The following UNC79 variants were observed in gnomAD, a reference collection of about 807,000 sequenced individuals.
The protein encoded by UNC79 is protein unc-79 homolog.
A neutral mutation model predicts 283.1 loss-of-function variants in UNC79; 37 were observed. The observed-to-expected ratio is 0.13, with a 90% CI of 0.10 to 0.17. The LOEUF is 0.17. Among genes scored for constraint, UNC79 ranks in the 10% least tolerant of loss-of-function variants. The pLI, the probability that UNC79 is intolerant of heterozygous loss-of-function variation, is 1.00. For missense variants in UNC79, 2,272 were observed against 3,211.1 expected (o/e 0.71, Z 7.07); for synonymous variants, 1,107 against 1,200.2 (o/e 0.92, Z 1.61).
intron 7 of UNC79, among the ~76,000 whole-genome samples, chr14:93,504,146 A>G (rs1263865158): frequency 6.6e-6 from 1 of 151,936 alleles, no homozygotes; most frequent in East Asian, 1.9e-4. Flanking sequence ...ATACTCTTTT[A>G]ATTACTGTAG....
At chr14:93,687,769 C>A (rs896303096) in intron 43 of UNC79, among the ~76,000 whole-genome samples, 1 of 152,138 alleles carries the variant, frequency 6.6e-6, no homozygotes, top group Admixed American at 6.5e-5. Context: ...AATACCCATA[C>A]TTAAATGACT....
At chr14:93,665,162 T>C (rs2072041391) in intron 40 of UNC79, among the ~76,000 whole-genome samples, 1 of 149,538 alleles carries the variant, frequency 6.7e-6, no homozygotes, top group Non-Finnish European at 1.5e-5. Flanking sequence ...TCTAAATGAC[T>C]ATACTTTAAA....
At chr14:93,691,652 G>A in intron 45 of UNC79, 97 bp from the exon 49 acceptor site, 1 of 1,297,530 alleles carries the variant, frequency 7.7e-7, no homozygotes, top group South Asian at 1.2e-5. Flanking sequence ...TGCTTCCCCT[G>A]TGCTCCCTGG....
chr14:93,562,949 G>A (rs1293352439), intron 14 of UNC79, among the ~76,000 whole-genome samples: 3 of 152,206 alleles, frequency 2.0e-5, no homozygotes, highest in African/African-American at 7.2e-5. Context: ...CTGAGGGGTA[G>A]TAGAATAGCA....
In UNC79 at chr14:93,558,258, T is replaced by C. The variant is rs1400157698; in HGVS notation, c.1756-13636T>C. ...CTAGTTTCCCACATCTTTTTTCTCA[T>C]TAATCAAAACCTTGCAGGCTGGGCG... is the stretch of plus-strand genomic sequence containing the variant. On this transcript the variant is annotated intron_variant, in intron 14 of 48. Coordinates refer to ENST00000555664, the Ensembl canonical transcript of UNC79. 2.6e-5 allele frequency among the ~76,000 whole-genome samples: 4 copies of C among 152,288 alleles called. No individual in the cohort carries two copies. The East Asian group carries it at 7.7e-4, about 29-fold the overall frequency.
chr14:93,653,674 A>C lies in UNC79; in HGVS notation c.6084-68A>C. On this transcript the variant is annotated intron_variant, in intron 35 of 48. Transcript: ENST00000555664. ...CATGGTGTGCAAATGTCTGAACTCT[A>C]AGTAAATATCTGAACACCTGCTCAC... 3.6e-6 allele frequency: 5 copies of C among 1,406,724 alleles called. No homozygotes were observed. In the South Asian group the frequency reaches 6.4e-5, roughly 18 times the overall value. The allele number at this position is 1,406,724 out of a possible 1,614,324, so 87.1% of individuals were successfully genotyped here.
chr14:93,333,381 T>C (rs1302208688), exon 1 of UNC79: 3 of 398,518 alleles, frequency 7.5e-6, no homozygotes, highest in Non-Finnish European at 1.3e-5. Context: ...CACGAATTCA[T>C]GTTTCCGTTC....
chr14:93,513,222 C>T (rs1346785747), intron 7 of UNC79, among the ~76,000 whole-genome samples: 1 of 56,712 alleles, frequency 1.8e-5, no homozygotes, highest in Non-Finnish European at 3.5e-5. Context: ...TTCCTTCCTT[C>T]TTTCCTTCCT....
At chr14:93,667,722 C>T (rs1261580289) in intron 40 of UNC79, among the ~76,000 whole-genome samples, 2 of 152,072 alleles carry the variant, frequency 1.3e-5, no homozygotes, top group Admixed American at 6.6e-5. Context: ...CAGAGAAGGA[C>T]AATAGGGGAA....
exon 12 of UNC79, chr14:93,538,001 C>T: frequency 6.2e-7 from 1 of 1,611,786 alleles, no homozygotes; most frequent in Non-Finnish European, 8.5e-7. Flanking sequence ...CTGCAGTTCC[C>T]ACGTTAGAAG....
intron 47 of UNC79, among the ~76,000 whole-genome samples, chr14:93,698,460 TTTTAG>T (rs1038337484): frequency 6.6e-6 from 1 of 151,214 alleles, no homozygotes; most frequent in African/African-American, 2.4e-5. Context: ...TTGGTAATAT[TTTTAG>T]TTTAGTTTAG....
At chr14:93,431,684 T>C (rs1043885154) in intron 1 of UNC79, among the ~76,000 whole-genome samples, 8 of 152,132 alleles carry the variant, frequency 5.3e-5, no homozygotes, top group African/African-American at 1.7e-4. Context: ...ACCTAATTGA[T>C]CTAATTATTG....
chr14:93,483,921 T>C (rs916437874), intron 4 of UNC79, among the ~76,000 whole-genome samples: 16 of 152,340 alleles, frequency 1.1e-4, no homozygotes, highest in Non-Finnish European at 2.2e-4. Context: ...TGCCACATTT[T>C]GTTAATCCAG....
intron 1 of UNC79, among the ~76,000 whole-genome samples, chr14:93,347,753 T>C (rs935250793): frequency 1.3e-5 from 2 of 151,878 alleles, no homozygotes; most frequent in South Asian, 2.1e-4. Context: ...ACTGCGAAGA[T>C]CTAGCGTTTT....
intron 20 of UNC79, among the ~76,000 whole-genome samples, chr14:93,584,816 C>T (rs1460013376): frequency 6.6e-6 from 1 of 151,706 alleles, no homozygotes; most frequent in Non-Finnish European, 1.5e-5. Flanking sequence ...CATTTCTTAG[C>T]TTCCTGACTA....
At chr14:93,620,264 T>C (rs2139900624) in intron 29 of UNC79, among the ~76,000 whole-genome samples, 1 of 152,356 alleles carries the variant, frequency 6.6e-6, no homozygotes, top group Non-Finnish European at 1.5e-5. Context: ...CTTTGTTTAC[T>C]CTTTCAGTCC....
intron 1 of UNC79, among the ~76,000 whole-genome samples, chr14:93,446,988 TTTAGA>T (rs1211221563): frequency 2.0e-5 from 3 of 152,238 alleles, no homozygotes; most frequent in African/African-American, 7.2e-5. Flanking sequence ...TATTGCAGTC[TTTAGA>T]TTATGGAATT....
At chr14:93,636,136 A>G (rs1446771006) in intron 31 of UNC79, among the ~76,000 whole-genome samples, 1 of 152,204 alleles carries the variant, frequency 6.6e-6, no homozygotes. Flanking sequence ...ACTGATCTCA[A>G]TTTTCAGTCC....
chr14:93,503,657 A>T (rs2059399712), intron 7 of UNC79, among the ~76,000 whole-genome samples: 1 of 152,024 alleles, frequency 6.6e-6, no homozygotes, highest in Non-Finnish European at 1.5e-5. Flanking sequence ...TTACTAGTGA[A>T]GCTGAACATT....
Sources: gnomAD v4.1 joint callset for allele counts (sites outside exome capture counted in the v4.1 genomes callset) on GRCh38, gnomAD v4.1.1 for gene constraint, MANE v1.5 for transcripts, NCBI Gene and HGNC (gene_info 2026-07-23, HGNC 2026-07-21) for gene names.